Variants in GYS1 observed in about 807,000 individuals in gnomAD.
GYS1 encodes the protein glycogen [starch] synthase, muscle.
GYS1 carries 60 observed loss-of-function variants against 89.1 expected under a neutral mutation model. That is an observed-to-expected ratio of 0.67 (90% CI 0.55 to 0.84). The LOEUF (loss-of-function observed/expected upper bound fraction) is 0.84, where lower values mean the gene tolerates loss of function less well. GYS1 is among the 40% of genes least tolerant of loss of function. The pLI is 0.00. For synonymous variants in GYS1, 366 were observed against 401.7 expected (o/e 0.91, Z 1.06); for missense variants, 888 against 1,003.1 (o/e 0.89, Z 1.55).
At position 48,991,569 on chromosome 19, in the gene GYS1, G is replaced by C; in HGVS notation, c.119-86C>G. On this transcript the variant is annotated intron_variant, in intron 1 of 15. Coordinates refer to ENST00000323798, the MANE Select transcript of GYS1 (RefSeq NM_002103.5). This position sits in a 1 kb window ranked among gnomAD's most constrained non-coding sequence, Gnocchi z 4.7. ...GTGGGGTGGGCCGGGGATGTAGGGG[G>C]CACTCAGGCCCCAGACCTCTAGCTC... The C allele has an allele frequency of 8.4e-6, 12 of 1,424,100 alleles. No individual in the cohort carries two copies. Among genetic ancestry groups the C allele is most frequent in the Non-Finnish European group, 1.2e-5 (12 of 1,015,020 alleles). The allele number at this position is 1,424,100 out of a possible 1,614,324, so 88.2% of individuals were successfully genotyped here.
chr19:48,970,523 G>T (rs766257309), intron 14 of GYS1, 23 bp downstream of exon 14: 1 of 1,609,242 alleles, frequency 6.2e-7, no homozygotes, highest in Non-Finnish European at 8.5e-7. Context: ...TGCCAGGAGA[G>T]GATAGGAAAG....
At position 48,986,001 on chromosome 19, in the gene GYS1, A is replaced by G; in HGVS notation, c.527T>C (p.Val176Ala). 1 of 1,614,182 alleles carries G rather than the reference A, an allele frequency of 6.2e-7. No individual in the cohort carries two copies. Among genetic ancestry groups the G allele is most frequent in the East Asian group, 2.2e-5 (1 of 44,886 alleles). Residue 176 changes from valine (V) to alanine (A), a missense_variant, in exon 4 of 16, where the codon GTT (valine) becomes GCT (alanine). By Grantham distance (64) the Val-to-Ala change is moderately conservative (BLOSUM62 0). Transcript: ENST00000323798. Reference protein sequence around the residue: ...LAQSEEKPHVVAHFHEWLAGV... With the variant: ...LAQSEEKPHVAAHFHEWLAGV... ...TGCCAACCACTCATGGAAGTGAGCA[A>G]CCACATGTGGCTTCTCCTCACTCTG...
chr19:48,968,394 A>C lies in GYS1; in HGVS notation c.*894T>G, dbSNP rs1165777663. On this transcript the variant is annotated 3_prime_UTR_variant, in exon 16 of 16. Coordinates refer to ENST00000323798, the MANE Select transcript of GYS1 (RefSeq NM_002103.5). Reference sequence around the variant, plus strand: ...GTATGCAGTAACGTGGTAAGGTTCCAGATCTAGAAGCCAGGACCTAGAACC... The same window carrying C: ...GTATGCAGTAACGTGGTAAGGTTCCCGATCTAGAAGCCAGGACCTAGAACC... 8 of 454,452 alleles carry C rather than the reference A, an allele frequency of 1.8e-5. No individual in the cohort carries two copies. Among genetic ancestry groups the C allele is most frequent in the Non-Finnish European group, 2.6e-5 (6 of 226,804 alleles). The allele number at this position is 454,452 out of a possible 1,614,324, so 28.2% of individuals were successfully genotyped here.
chr19:48,973,030 TC>T lies in GYS1; in HGVS notation c.1549+1182del, dbSNP rs1277446556. Among the ~76,000 whole-genome samples the T allele has an allele frequency of 2.0e-5, 3 of 151,996 alleles. No homozygotes were observed. In the East Asian group the frequency reaches 5.8e-4, roughly 29 times the overall value. On this transcript the variant is annotated intron_variant, in intron 12 of 15. Coordinates refer to ENST00000323798, the MANE Select transcript of GYS1 (RefSeq NM_002103.5). ...TTTATGATATAGTTTGACTCTGTGT[TC>T]CCCCCCAAATTTCATCTCAAAATGT...
In GYS1 at chr19:48,987,309, A is replaced by G; in HGVS notation, c.377T>C (p.Leu126Pro). The change falls in exon 3 of 16, where the codon CTG becomes CCG. Residue 126 changes from leucine to proline, a missense_variant. Leu to Pro is a moderately conservative substitution (Grantham distance 98, BLOSUM62 -3). Coordinates refer to ENST00000323798, the MANE Select transcript of GYS1 (RefSeq NM_002103.5). ...LLDVGASAWALERWKGELWDT... is the reference protein window; with the variant it reads ...LLDVGASAWAPERWKGELWDT... Reference sequence around the variant, plus strand: ...CCAGAGCTCTCCCTTCCAGCGCTCCAGGGCCCAAGCTGAGGCACCCACGTC... The same window carrying G: ...CCAGAGCTCTCCCTTCCAGCGCTCCGGGGCCCAAGCTGAGGCACCCACGTC... 6.2e-7 allele frequency: 1 copy of G among 1,612,234 alleles called. No homozygotes were observed. The highest frequency in any genetic ancestry group is 8.5e-7 in the Non-Finnish European group (1 of 1,179,254).
In GYS1 at chr19:48,968,286, G is replaced by C. The variant is rs540381026; in HGVS notation, c.*1002C>G. ...TCACCAAAGCTGAAGGCAGGGCACA[G>C]TTTGGGGATGGAAGAGCCTCGAGGT... On this transcript the variant is annotated 3_prime_UTR_variant, in exon 16 of 16. Transcript: ENST00000323798. The C allele has an allele frequency of 8.8e-5, 40 of 454,328 alleles. No individual in the cohort carries two copies. Among genetic ancestry groups the C allele is most frequent in the Middle Eastern group, 6.8e-4 (1 of 1,466 alleles). The allele number at this position is 454,328 out of a possible 1,614,324, so 28.1% of individuals were successfully genotyped here. A position where few individuals can be genotyped will look rare whatever the true frequency, so the allele number is the denominator to read the frequency against.
chr19:48,971,852 G>A (rs992869494), intron 12 of GYS1, among the ~76,000 whole-genome samples: 1 of 150,336 alleles, frequency 6.7e-6, no homozygotes, highest in Non-Finnish European at 1.5e-5. Context: ...CACTGCGCCT[G>A]GCCCAATGCT....
At chr19:48,970,181 T>G (rs539643878) in intron 14 of GYS1, 5 of 471,948 alleles carry the variant, frequency 1.1e-5, no homozygotes, top group South Asian at 6.6e-5. Flanking sequence ...TGGAGTGCAG[T>G]GGGTTTGAAC....
At chr19:48,986,864 C>A (rs1261393744) in intron 3 of GYS1, among the ~76,000 whole-genome samples, 1 of 152,188 alleles carries the variant, frequency 6.6e-6, no homozygotes, top group Non-Finnish European at 1.5e-5. Context: ...GCTGGGGATT[C>A]ATGAGCATCC....
Position 48,985,554 on chromosome 19 carries a change from T to C in GYS1, c.730A>G (p.Met244Val), listed in dbSNP as rs747681747. Residue 244 changes from methionine to valine, a missense_variant, in exon 5 of 16, where the codon ATG becomes GTG. Physicochemically the swap from Met to Val is conservative, Grantham distance 21 (BLOSUM62 1). Coordinates refer to ENST00000323798, the MANE Select transcript of GYS1 (RefSeq NM_002103.5). ...GCGCAGTGGGCTGCCGCCCTTTCCA[T>C]GCAGTATCGGTGGTAGATCTGCCTC... ...GERQIYHRYCMERAAAHCAHV... is the reference protein window; with the variant it reads ...GERQIYHRYCVERAAAHCAHV... 1 of 1,614,160 alleles carries C rather than the reference T, an allele frequency of 6.2e-7. No homozygotes were observed.
At chr19:48,970,365 C>T in intron 14 of GYS1, 181 bp downstream of exon 14, 1 of 614,720 alleles carries the variant, frequency 1.6e-6, no homozygotes, top group Non-Finnish European at 2.9e-6. Context: ...TGCGATCCTT[C>T]CTGTTAGGCC....
chr19:48,990,006 G>GGGA (rs1555800145), intron 2 of GYS1, among the ~76,000 whole-genome samples: 2 of 150,404 alleles, frequency 1.3e-5, no homozygotes, highest in Admixed American at 6.6e-5. Context: ...GCTGGGGGGG[G>GGGA]GGGGGGGCTA....
chr19:48,982,602 A>C (rs1354973337), intron 6 of GYS1, 118 bp downstream of exon 6: 2 of 886,916 alleles, frequency 2.3e-6, no homozygotes, highest in Middle Eastern at 2.7e-4. Context: ...CCGAATACCC[A>C]GGTGCCCCCT....
chr19:48,988,743 T>C (rs2038878227), intron 2 of GYS1, among the ~76,000 whole-genome samples: 1 of 152,082 alleles, frequency 6.6e-6, no homozygotes, highest in South Asian at 2.1e-4. Flanking sequence ...GCTTCCCACG[T>C]AGCTGGGACC....
rs781563966 is a variant in GYS1 at position 48,991,424 on chromosome 19, C to T, written c.178G>A (p.Asp60Asn). 2.5e-5 allele frequency: 40 copies of T among 1,614,034 alleles called. No homozygotes were observed. Among genetic ancestry groups the T allele is most frequent in the African/African-American group, 2.7e-5 (2 of 74,946 alleles). ...TACGGCCCCACCAGGAAGTAGTTGT[C>T]GCCCCATTCGTCCCCTGTCACCTTC... Reference protein sequence around the residue: ...KAKVTGDEWGDNYFLVGPYTE... With the variant: ...KAKVTGDEWGNNYFLVGPYTE... Residue 60 changes from aspartate to asparagine, a missense_variant, in exon 2 of 16, where the codon GAC (aspartate) becomes AAC (asparagine). Asp to Asn is a conservative substitution (Grantham distance 23). Transcript: ENST00000323798. This position sits in a 1 kb window ranked among gnomAD's most constrained non-coding sequence, Gnocchi z 4.7.
At chr19:48,984,103 A>G (rs1287118224) in intron 5 of GYS1, among the ~76,000 whole-genome samples, 1 of 151,994 alleles carries the variant, frequency 6.6e-6, no homozygotes, top group African/African-American at 2.4e-5. Context: ...GGTTCAAGAG[A>G]TTCTCCTGCC....
rs1158714155 is a variant in GYS1, at chr19:48,985,384, GGGC to G, written c.823+74_823+76del. 7.5e-6 allele frequency: 11 copies of G among 1,463,522 alleles called. No individual in the cohort carries two copies. In the African/African-American group the frequency reaches 1.5e-4, roughly 20 times the overall value. The allele number at this position is 1,463,522 out of a possible 1,614,324, so 90.7% of individuals were successfully genotyped here. A position where few individuals can be genotyped will look rare whatever the true frequency, so the allele number is the denominator to read the frequency against. ...TATTTCAACTTACAGTGGGCTTCTT[GGGC>G]TGAGGAGCAACTGGCTTTGGCATAG... On this transcript the variant is annotated intron_variant, in intron 5 of 15. Coordinates refer to ENST00000323798, the MANE Select transcript of GYS1 (RefSeq NM_002103.5).
At chr19:48,981,679 G>A in intron 7 of GYS1, 43 bp from the exon 8 acceptor site, 1 of 1,254,422 alleles carries the variant, frequency 8.0e-7, no homozygotes, top group Non-Finnish European at 1.2e-6. Context: ...TCATGTGGGG[G>A]AAGCCTGGAA....
chr19:48,968,954 C>G lies in GYS1; in HGVS notation c.*334G>C, dbSNP rs1380815530. ...CACGGGGGGCTCTAAAAGCCCCAGA[C>G]CTGAAAGCACCATGCCAGGTTTCCT... On this transcript the variant is annotated 3_prime_UTR_variant, in exon 16 of 16. Coordinates refer to ENST00000323798, the MANE Select transcript of GYS1 (RefSeq NM_002103.5). 1 of 551,190 alleles carries G rather than the reference C, an allele frequency of 1.8e-6. No individual in the cohort carries two copies. Among genetic ancestry groups the G allele is most frequent in the Non-Finnish European group, 3.5e-6 (1 of 289,724 alleles). The allele number at this position is 551,190 out of a possible 1,614,324, so 34.1% of individuals were successfully genotyped here. A position where few individuals can be genotyped will look rare whatever the true frequency, so the allele number is the denominator to read the frequency against.
Sources: allele counts gnomAD v4.1 joint callset (sites outside exome capture counted in the v4.1 genomes callset), GRCh38; gene constraint gnomAD v4.1.1; non-coding constraint Gnocchi (gnomAD v3.1); transcripts MANE v1.5; gene names NCBI Gene and HGNC (gene_info 2026-07-23, HGNC 2026-07-21).